The following GRID1 variants were observed in gnomAD, a reference collection of about 807,000 sequenced individuals.
GRID1 encodes the protein glutamate receptor ionotropic, delta-1.
In GRID1, 28 loss-of-function variants were observed where a neutral mutation model predicts 98.0. The ratio of observed to expected loss-of-function variants is 0.29; its 90% CI spans 0.21 to 0.39. GRID1 has a LOEUF of 0.39. Among genes scored for constraint, GRID1 ranks in the 10% least tolerant of loss-of-function variants. The pLI is 1.00. For synonymous variants in GRID1, 553 were observed against 538.5 expected, an observed-to-expected ratio of 1.03 and a Z score of -0.37; for missense variants, 1,111 against 1,340.5, an observed-to-expected ratio of 0.83 and a Z score of 2.67.
intron 13 of GRID1, among the ~76,000 whole-genome samples, chr10:85,634,293 A>T (rs12248999): frequency 0.12 from 8,059 of 68,556 alleles, 223 homozygotes; most frequent in African/African-American, 0.2. Context: ...TCTCTCTCTC[A>T]CACACACACA....
At chr10:85,879,254 C>T (rs1408390667) in intron 5 of GRID1, among the ~76,000 whole-genome samples, 1 of 152,102 alleles carries the variant, frequency 6.6e-6, no homozygotes, top group African/African-American at 2.4e-5. Flanking sequence ...TTGAACTCAG[C>T]TCTGCACCAA....
In GRID1 at chr10:85,757,295, T is replaced by C. The variant is rs570690925; in HGVS notation, c.1234-27681A>G. Among the ~76,000 whole-genome samples the C allele has an allele frequency of 1.3e-4, 20 of 152,336 alleles. No homozygotes were observed. In the South Asian group the frequency reaches 4.1e-3, roughly 32 times the overall value. On this transcript the variant is annotated intron_variant, in intron 8 of 15. Coordinates refer to ENST00000327946, the MANE Select transcript of GRID1 (RefSeq NM_017551.3). Reference sequence around the variant, plus strand: ...TGGATGAGAAGGAAAGTTTTCCCTATGGCCCAACCCAAGCCGAATGCTTAT... The same window carrying C: ...TGGATGAGAAGGAAAGTTTTCCCTACGGCCCAACCCAAGCCGAATGCTTAT...
chr10:86,334,121 C>T (rs562834910), intron 2 of GRID1, among the ~76,000 whole-genome samples: 1 of 152,194 alleles, frequency 6.6e-6, no homozygotes, highest in African/African-American at 2.4e-5. Flanking sequence ...AGTCCCCTGG[C>T]CTATCCATCT....
At chr10:85,887,931 C>A (rs1399897059) in intron 5 of GRID1, among the ~76,000 whole-genome samples, 1 of 152,102 alleles carries the variant, frequency 6.6e-6, no homozygotes, top group Non-Finnish European at 1.5e-5. Context: ...CAAGCCAGAG[C>A]AGCCCTTTTT....
Position 86,287,094 on chromosome 10 carries a change from A to G in GRID1, c.235+76847T>C, listed in dbSNP as rs140901996. On this transcript the variant is annotated intron_variant, in intron 2 of 15. Coordinates refer to ENST00000327946, the MANE Select transcript of GRID1 (RefSeq NM_017551.3). ...CCTAAAGGCTGAGAAGGTGAGGTCC[A>G]GAAGGATGCACAGGACAGCTCTGGA... is the stretch of plus-strand genomic sequence containing the variant. Among the ~76,000 whole-genome samples the G allele has an allele frequency of 2.6e-3, 400 of 152,344 alleles. 1 individual carries two copies. Among genetic ancestry groups the G allele is most frequent in the African/African-American group, 9.2e-3 (382 of 41,578 alleles).
chr10:85,841,595 G>C (rs912165097), intron 8 of GRID1, among the ~76,000 whole-genome samples: 1 of 151,928 alleles, frequency 6.6e-6, no homozygotes, highest in Non-Finnish European at 1.5e-5. Flanking sequence ...TCTCACAAAG[G>C]CCTAATATTT....
intron 2 of GRID1, among the ~76,000 whole-genome samples, chr10:86,322,281 A>G (rs1185056156): frequency 6.6e-6 from 1 of 152,186 alleles, no homozygotes; most frequent in Non-Finnish European, 1.5e-5. Flanking sequence ...ACCACCACCT[A>G]AAAGGAATTC....
chr10:85,906,255 A>G (rs930070389), intron 5 of GRID1, among the ~76,000 whole-genome samples: 10 of 152,178 alleles, frequency 6.6e-5, no homozygotes, highest in Admixed American at 6.5e-4. Context: ...AAATATATTA[A>G]GCAATAACTG....
At chr10:85,686,599 G>T (rs7912617) in intron 12 of GRID1, among the ~76,000 whole-genome samples, 1 of 151,866 alleles carries the variant, frequency 6.6e-6, no homozygotes, top group African/African-American at 2.4e-5. Flanking sequence ...TTGTAAATTA[G>T]ATACAGTTCA....
At chr10:85,956,198 G>A (rs1433485378) in intron 4 of GRID1, among the ~76,000 whole-genome samples, 4 of 152,112 alleles carry the variant, frequency 2.6e-5, no homozygotes, top group Non-Finnish European at 1.5e-5. Flanking sequence ...CATTTCCTGA[G>A]TCAGACTGTA....
chr10:86,263,501 G>A (rs1847052928), intron 2 of GRID1, among the ~76,000 whole-genome samples: 2 of 152,214 alleles, frequency 1.3e-5, no homozygotes, highest in African/African-American at 4.8e-5. Context: ...CCTTTCACCT[G>A]CAGAACAAGC....
intron 2 of GRID1, among the ~76,000 whole-genome samples, chr10:86,349,660 G>C (rs1332307153): frequency 6.6e-6 from 1 of 152,220 alleles, no homozygotes; most frequent in African/African-American, 2.4e-5. Context: ...ACCTACAGGG[G>C]GCAGGACAGG....
intron 6 of GRID1, among the ~76,000 whole-genome samples, chr10:85,860,525 G>A (rs1590269392): frequency 6.6e-6 from 1 of 152,184 alleles, no homozygotes; most frequent in African/African-American, 2.4e-5. Flanking sequence ...GGGCTCTATT[G>A]TAAGTGAGGA....
At chr10:86,276,253 T>A (rs11201961) in intron 2 of GRID1, among the ~76,000 whole-genome samples, 5 of 152,172 alleles carry the variant, frequency 3.3e-5, no homozygotes, top group Non-Finnish European at 5.9e-5. Flanking sequence ...GATTGCCATC[T>A]TCTCCCTATG....
chr10:86,327,161 T>A (rs540172436), intron 2 of GRID1, among the ~76,000 whole-genome samples: 1 of 152,262 alleles, frequency 6.6e-6, no homozygotes, highest in East Asian at 1.9e-4. Flanking sequence ...AAGAATTTGA[T>A]TTCAAAGTAA....
intron 2 of GRID1, among the ~76,000 whole-genome samples, chr10:86,349,962 A>G (rs924308307): frequency 1.3e-5 from 2 of 152,216 alleles, no homozygotes; most frequent in Non-Finnish European, 2.9e-5. Context: ...GGAAAAGAAC[A>G]TTTTGGTAGA....
At chr10:86,144,460 G>T (rs1845055891) in intron 3 of GRID1, among the ~76,000 whole-genome samples, 1 of 152,144 alleles carries the variant, frequency 6.6e-6, no homozygotes, top group South Asian at 2.1e-4. Flanking sequence ...CCATGGGGAG[G>T]AGAGGACACA....
intron 2 of GRID1, among the ~76,000 whole-genome samples, chr10:86,209,146 AT>A (rs1441449780): frequency 6.6e-6 from 1 of 152,260 alleles, no homozygotes; most frequent in African/African-American, 2.4e-5. Flanking sequence ...AGAAGGAAAT[AT>A]TGCAAAATGT....
At chr10:85,971,644 G>C (rs1386728165) in intron 4 of GRID1, among the ~76,000 whole-genome samples, 2 of 152,100 alleles carry the variant, frequency 1.3e-5, no homozygotes, top group Non-Finnish European at 2.9e-5. Context: ...ACCACAGTGA[G>C]ACTCACTCCT....
Sources: gnomAD v4.1 joint callset for allele counts (sites outside exome capture counted in the v4.1 genomes callset) on GRCh38, gnomAD v4.1.1 for gene constraint, MANE v1.5 for transcripts, NCBI Gene and HGNC (gene_info 2026-07-23, HGNC 2026-07-21) for gene names.